CTNNA2: variants seen among roughly 807,000 people sequenced by gnomAD.
CTNNA2 encodes catenin alpha 2.
Under a neutral mutation model 101.0 loss-of-function variants are expected in CTNNA2, and 42 were observed. The observed-to-expected ratio is 0.42, with a 90% CI of 0.32 to 0.54. The LOEUF is 0.54. CTNNA2 is among the 20% of genes least tolerant of loss of function. The pLI is 0.14. For missense variants in CTNNA2, 871 were observed against 1,223.1 expected (o/e 0.71, Z 4.29); for synonymous variants, 450 against 456.4 (o/e 0.99, Z 0.18).
intron 1 of CTNNA2, among the ~76,000 whole-genome samples, chr2:79,192,732 G>A (rs1419142025): frequency 6.6e-6 from 1 of 152,000 alleles, no homozygotes; most frequent in African/African-American, 2.4e-5. Flanking sequence ...TCTTTGTTCT[G>A]TGGGCCCCAA....
intron 7 of CTNNA2, among the ~76,000 whole-genome samples, chr2:80,080,970 A>AC (rs1202938897): frequency 6.8e-6 from 1 of 146,114 alleles, no homozygotes; most frequent in Non-Finnish European, 1.5e-5. Flanking sequence ...AAAAAAAAAA[A>AC]AAGAAATGCT....
At chr2:79,198,216 G>A (rs1459587563) in intron 2 of CTNNA2, 1 of 152,190 alleles carries the variant, frequency 6.6e-6, no homozygotes, top group Admixed American at 6.5e-5. Flanking sequence ...AGAAAACGAT[G>A]TAGAAGGATA....
chr2:79,855,331 A>G (rs993185756), intron 3 of CTNNA2, among the ~76,000 whole-genome samples: 2 of 151,976 alleles, frequency 1.3e-5, no homozygotes, highest in African/African-American at 4.8e-5. Context: ...AGATCTCTGC[A>G]CTGACACGTG....
At chr2:79,402,189 C>T (rs968869711) in intron 4 of CTNNA2, among the ~76,000 whole-genome samples, 1 of 151,840 alleles carries the variant, frequency 6.6e-6, no homozygotes, top group Non-Finnish European at 1.5e-5. Context: ...AAGAAATAGA[C>T]AGCTGAATAA....
chr2:79,188,745 TATG>T (rs1415967401), intron 1 of CTNNA2, among the ~76,000 whole-genome samples: 1 of 152,050 alleles, frequency 6.6e-6, no homozygotes, highest in Non-Finnish European at 1.5e-5. Flanking sequence ...AAAGCACAAA[TATG>T]AGGATAGAGG....
chr2:80,098,788 C>G (rs1042378472), intron 7 of CTNNA2, among the ~76,000 whole-genome samples: 1 of 152,206 alleles, frequency 6.6e-6, no homozygotes, highest in African/African-American at 2.4e-5. Flanking sequence ...GCTTCGTGGG[C>G]ATAGGACCCT....
At chr2:79,495,211 C>T (rs1671244046) in intron 4 of CTNNA2, among the ~76,000 whole-genome samples, 1 of 152,092 alleles carries the variant, frequency 6.6e-6, no homozygotes, top group Non-Finnish European at 1.5e-5. Context: ...AAGTATTTTA[C>T]AAATTTTGTA....
At chr2:79,507,588 A>C (rs955709769) in intron 5 of CTNNA2, among the ~76,000 whole-genome samples, 1 of 152,166 alleles carries the variant, frequency 6.6e-6, no homozygotes, top group African/African-American at 2.4e-5. Context: ...TTTCTTTATA[A>C]ATAACCTAGT....
At chr2:80,523,434 TG>T (rs1689747446) in intron 9 of CTNNA2, among the ~76,000 whole-genome samples, 1 of 151,910 alleles carries the variant, frequency 6.6e-6, no homozygotes, top group Non-Finnish European at 1.5e-5. Context: ...AGGAGGAAAA[TG>T]TTAGTGATTT....
intron 4 of CTNNA2, among the ~76,000 whole-genome samples, chr2:79,447,213 G>A (rs900488029): frequency 4.0e-5 from 6 of 151,854 alleles, no homozygotes; most frequent in Admixed American, 6.6e-5. Flanking sequence ...TTTCTCCTAG[G>A]AAGAATGAAA....
chr2:80,156,252 C>G (rs752875202), intron 7 of CTNNA2, among the ~76,000 whole-genome samples: 5 of 152,176 alleles, frequency 3.3e-5, no homozygotes, highest in Non-Finnish European at 7.3e-5. Context: ...TGAATCCCAT[C>G]CGCTACACAC....
At chr2:79,424,978 C>T (rs1457114720) in intron 4 of CTNNA2, among the ~76,000 whole-genome samples, 1 of 152,066 alleles carries the variant, frequency 6.6e-6, no homozygotes, top group East Asian at 1.9e-4. Context: ...AGAATGAGAA[C>T]CTCTTGCCTT....
At chr2:79,616,852 C>T (rs1411260185) in intron 1 of CTNNA2, among the ~76,000 whole-genome samples, 2 of 151,754 alleles carry the variant, frequency 1.3e-5, no homozygotes, top group African/African-American at 2.4e-5. Context: ...TGTCTTTTGG[C>T]GTTTGTCATT....
intron 14 of CTNNA2, among the ~76,000 whole-genome samples, chr2:80,589,076 G>A (rs530887959): frequency 1.3e-5 from 2 of 152,212 alleles, no homozygotes; most frequent in East Asian, 3.9e-4. Context: ...ACGTAGCTTT[G>A]GATATCTCTG....
At chr2:79,416,706 G>C (rs1483964804) in intron 4 of CTNNA2, among the ~76,000 whole-genome samples, 3 of 152,006 alleles carry the variant, frequency 2.0e-5, no homozygotes, top group African/African-American at 7.2e-5. Context: ...ATATTTAACA[G>C]TTCCCCGAGA....
intron 9 of CTNNA2, among the ~76,000 whole-genome samples, chr2:80,457,586 G>A (rs778094773): frequency 3.3e-5 from 5 of 152,066 alleles, no homozygotes; most frequent in South Asian, 2.1e-4. Context: ...ACTAGGCTTC[G>A]TAAGATCCAT....
intron 4 of CTNNA2, among the ~76,000 whole-genome samples, chr2:79,403,473 G>A (rs1355849875): frequency 6.6e-6 from 1 of 151,938 alleles, no homozygotes; most frequent in Non-Finnish European, 1.5e-5. Flanking sequence ...CTAGCCAGAT[G>A]GCTGGGGGGA....
chr2:79,643,479 T>C (rs1254156000), intron 1 of CTNNA2, among the ~76,000 whole-genome samples: 1 of 152,146 alleles, frequency 6.6e-6, no homozygotes, highest in Non-Finnish European at 1.5e-5. Flanking sequence ...TCAGAAACTC[T>C]TGGGGTGGGT....
At chr2:79,828,294 C>A (rs982497901) in intron 3 of CTNNA2, among the ~76,000 whole-genome samples, 2 of 152,102 alleles carry the variant, frequency 1.3e-5, no homozygotes, top group Non-Finnish European at 2.9e-5. Context: ...GCCAATAAAC[C>A]TAAAATGCAT....
Sources: gnomAD v4.1 joint callset for allele counts (sites outside exome capture counted in the v4.1 genomes callset) on GRCh38, gnomAD v4.1.1 for gene constraint, MANE v1.5 for transcripts, NCBI Gene and HGNC (gene_info 2026-07-23, HGNC 2026-07-21) for gene names.